The following MYO1B variants were observed in gnomAD, a reference collection of about 807,000 sequenced individuals.
MYO1B encodes unconventional myosin-Ib.
A neutral mutation model predicts 159.7 loss-of-function variants in MYO1B; 72 were observed. The observed-to-expected ratio is 0.45, with a 90% CI of 0.37 to 0.55. The LOEUF (loss-of-function observed/expected upper bound fraction) is 0.55, where lower values mean the gene tolerates loss of function less well. MYO1B is among the 20% of genes least tolerant of loss of function. The probability of loss-of-function intolerance (pLI) is 0.00; values close to 1 mark genes in which losing one functional copy is unlikely to be tolerated. For synonymous variants in MYO1B, 468 were observed against 473.8 expected (o/e 0.99, Z 0.16); for missense variants, 1,062 against 1,364.8 (o/e 0.78, Z 3.50).
chr2:191,259,066 T>G (rs1224532015), intron 1 of MYO1B, among the ~76,000 whole-genome samples: 2 of 152,208 alleles, frequency 1.3e-5, no homozygotes, highest in African/African-American at 4.8e-5. Context: ...GTGATTTAGC[T>G]TCCAGCTTTA....
chr2:191,372,948 G>A (rs1216282779), intron 13 of MYO1B, among the ~76,000 whole-genome samples: 1 of 133,668 alleles, frequency 7.5e-6, no homozygotes, highest in Non-Finnish European at 1.5e-5. Flanking sequence ...GTGCAGTGGT[G>A]CGATCTCGGC....
chr2:191,267,834 A>G (rs1255302811), intron 1 of MYO1B, among the ~76,000 whole-genome samples: 3 of 152,186 alleles, frequency 2.0e-5, no homozygotes, highest in East Asian at 1.9e-4. Context: ...TTAATCCTTC[A>G]TGAGGACATT....
intron 24 of MYO1B, among the ~76,000 whole-genome samples, chr2:191,406,992 T>A (rs571791075): frequency 6.6e-6 from 1 of 152,110 alleles, no homozygotes; most frequent in East Asian, 1.9e-4. Flanking sequence ...AGATGGGAGG[T>A]GGATCAGAAG....
intron 4 of MYO1B, among the ~76,000 whole-genome samples, chr2:191,337,352 CAG>C (rs1691922114): frequency 6.6e-6 from 1 of 152,160 alleles, no homozygotes; most frequent in Non-Finnish European, 1.5e-5. Context: ...TGCAAGGTGT[CAG>C]AGAATACAGA....
At chr2:191,246,196 G>A (rs936244384) in intron 1 of MYO1B, 1 of 152,232 alleles carries the variant, frequency 6.6e-6, no homozygotes. Flanking sequence ...GGGTTGCCCT[G>A]GGTCTCGTTT....
At chr2:191,289,249 T>C (rs1426003360) in intron 2 of MYO1B, among the ~76,000 whole-genome samples, 1 of 152,228 alleles carries the variant, frequency 6.6e-6, no homozygotes, top group Non-Finnish European at 1.5e-5. Flanking sequence ...ACAAGTTTCC[T>C]CCGTTCTTCT....
intron 24 of MYO1B, among the ~76,000 whole-genome samples, chr2:191,404,185 C>T (rs2126144542): frequency 6.6e-6 from 1 of 152,118 alleles, no homozygotes; most frequent in East Asian, 1.9e-4. Flanking sequence ...ATTGACTTTT[C>T]CTGTGGAAAT....
chr2:191,423,018 T>A (rs757058061), intron 30 of MYO1B, among the ~76,000 whole-genome samples: 3 of 152,230 alleles, frequency 2.0e-5, no homozygotes, highest in Non-Finnish European at 4.4e-5. Context: ...TAAGAAGTGC[T>A]CATGGGAAGA....
chr2:191,323,436 G>A (rs1434615638), intron 3 of MYO1B, among the ~76,000 whole-genome samples: 2 of 152,082 alleles, frequency 1.3e-5, no homozygotes, highest in Non-Finnish European at 1.5e-5. Context: ...TTAAAACATC[G>A]TAACACATGT....
Position 191,313,273 on chromosome 2 carries a change from C to T in MYO1B, c.252-16662C>T, listed in dbSNP as rs530266831. Among the ~76,000 whole-genome samples, 18 of 132,324 alleles carry T rather than the reference C, an allele frequency of 1.4e-4. No homozygotes were observed. In the East Asian group the frequency reaches 2.9e-3, roughly 21 times the overall value. 86.8% of individuals were successfully genotyped at this position (132,324 alleles called of 152,430 possible). ...TTGCCCAGGCTGGAGTGCAGTGGTG[C>T]GACCTCAGCTCACTGCAACGTCTGC... On this transcript the variant is annotated intron_variant, in intron 3 of 30. Coordinates refer to ENST00000392318, the MANE Select transcript of MYO1B (RefSeq NM_001130158.3).
At chr2:191,335,914 G>C (rs562390094) in intron 4 of MYO1B, among the ~76,000 whole-genome samples, 3 of 152,222 alleles carry the variant, frequency 2.0e-5, no homozygotes, top group Non-Finnish European at 4.4e-5. Context: ...TGAGTCCTTT[G>C]GGGTGCTATT....
chr2:191,246,560 C>G (rs75191156), intron 1 of MYO1B, among the ~76,000 whole-genome samples: 1 of 71,238 alleles, frequency 1.4e-5, no homozygotes, highest in East Asian at 5.2e-4. Context: ...GCCCCCCCCC[C>G]TTTTTTTTTG....
chr2:191,312,941 A>C (rs1690096331), intron 3 of MYO1B, among the ~76,000 whole-genome samples: 1 of 152,208 alleles, frequency 6.6e-6, no homozygotes, highest in Admixed American at 6.5e-5. Flanking sequence ...ATTGGAAATG[A>C]AACTTGAGTT....
chr2:191,308,561 T>C (rs1217307739), intron 3 of MYO1B, among the ~76,000 whole-genome samples: 2 of 152,200 alleles, frequency 1.3e-5, no homozygotes, highest in Non-Finnish European at 2.9e-5. Flanking sequence ...TTTTCTTTCT[T>C]CTTCCATTCC....
At chr2:191,387,532 G>A (rs1295959419) in intron 17 of MYO1B, 82 bp downstream of exon 17, 1 of 1,239,362 alleles carries the variant, frequency 8.1e-7, no homozygotes, top group Non-Finnish European at 1.2e-6. Flanking sequence ...GCTTCAATCT[G>A]AGTGTAGCCC....
At chr2:191,408,087 C>A in intron 24 of MYO1B, 28 bp from the exon 25 acceptor site, 1 of 1,518,754 alleles carries the variant, frequency 6.6e-7, no homozygotes, top group Non-Finnish European at 9.1e-7. Flanking sequence ...ACACATTAAC[C>A]ACTGTAACCT....
At chr2:191,405,281 T>C (rs1371329173) in intron 24 of MYO1B, among the ~76,000 whole-genome samples, 1 of 152,236 alleles carries the variant, frequency 6.6e-6, no homozygotes, top group Non-Finnish European at 1.5e-5. Context: ...CTTCTAATTC[T>C]AGTTGTTACT....
intron 5 of MYO1B, among the ~76,000 whole-genome samples, chr2:191,341,851 A>G (rs1183685590): frequency 1.3e-5 from 2 of 152,110 alleles, no homozygotes; most frequent in Non-Finnish European, 2.9e-5. Flanking sequence ...TAATCAACTG[A>G]TCATTTGCAT....
At chr2:191,285,227 A>T (rs921199135) in intron 2 of MYO1B, among the ~76,000 whole-genome samples, 2 of 152,220 alleles carry the variant, frequency 1.3e-5, no homozygotes, top group Admixed American at 6.5e-5. Context: ...CTCAACGAAG[A>T]TATGGCAGTA....
Sources: gnomAD v4.1 joint callset for allele counts (sites outside exome capture counted in the v4.1 genomes callset) on GRCh38, gnomAD v4.1.1 for gene constraint, MANE v1.5 for transcripts, NCBI Gene and HGNC (gene_info 2026-07-23, HGNC 2026-07-21) for gene names.